DEF8: variants seen among roughly 807,000 people sequenced by gnomAD.
DEF8 encodes the protein DEF-8.
Under a neutral mutation model 59.1 loss-of-function variants are expected in DEF8, and 38 were observed. The observed-to-expected ratio is 0.64, with a 90% confidence interval of 0.50 to 0.84. The LOEUF is 0.84. Ranked by LOEUF, DEF8 falls within the 40% of genes least tolerant of loss-of-function variation. The probability of loss-of-function intolerance (pLI) is 0.00; values close to 1 mark genes in which losing one functional copy is unlikely to be tolerated. For missense variants in DEF8, 557 were observed against 615.2 expected, an observed-to-expected ratio of 0.91 and a Z score of 1.00; for synonymous variants, 265 against 250.1, an observed-to-expected ratio of 1.06 and a Z score of -0.56.
chr16:89,960,943 G>C lies in DEF8; in HGVS notation c.527G>C (p.Arg176Pro), dbSNP rs753840788. Residue 176 changes from arginine to proline, a missense_variant, in exon 7 of 13, where the codon CGC (arginine) becomes CCC (proline). Coordinates refer to ENST00000563594, the MANE Select transcript of DEF8 (RefSeq NM_001242818.2). ...TWYTCTGCYY[R>P]CHSKCLNLIS... Reference sequence around the variant, plus strand: ...CCCTCCACCCTAGGGTGTTATTACCGCTGTCACAGTAAGTGCTTGAACCTC... The same window carrying C: ...CCCTCCACCCTAGGGTGTTATTACCCCTGTCACAGTAAGTGCTTGAACCTC... 1 of 1,613,712 alleles carries C rather than the reference G, an allele frequency of 6.2e-7. No homozygotes were observed. The highest frequency in any genetic ancestry group is 8.5e-7 in the Non-Finnish European group (1 of 1,179,914).
chr16:89,965,821 G>A, intron 12 of DEF8, 40 bp from the exon 13 acceptor site: 1 of 1,424,190 alleles, frequency 7.0e-7, no homozygotes. Flanking sequence ...CAGTGCTGGA[G>A]TTTCCTGTGC....
chr16:89,967,582 G>A lies in DEF8; in HGVS notation c.*1619G>A, dbSNP rs1006033338. The A allele has an allele frequency of 7.5e-6, 3 of 397,818 alleles. No homozygotes were observed. The highest frequency in any genetic ancestry group is 6.2e-5 in the African/African-American group (3 of 48,636). 24.6% of individuals were successfully genotyped at this position (397,818 alleles called of 1,614,324 possible). On this transcript the variant is annotated 3_prime_UTR_variant, in exon 13 of 13. Coordinates refer to ENST00000563594, the MANE Select transcript of DEF8 (RefSeq NM_001242818.2). The stretch of plus-strand genomic sequence containing the variant: ...AATGTGATGTGAGGTTGGATCAACA[G>A]TGTGGGTTCCTGTCCTGTTTCCCCT...
chr16:89,964,135 C>T lies in DEF8; in HGVS notation c.1003-35C>T, dbSNP rs191061981. On this transcript the variant is annotated intron_variant, in intron 10 of 12. Coordinates refer to ENST00000563594, the MANE Select transcript of DEF8 (RefSeq NM_001242818.2). The stretch of plus-strand genomic sequence containing the variant: ...GGTGGGCGGTGGGAGGGGCCCTCCC[C>T]GGTGCAGGGCGTCACGGCTGCTGGG... 3.5e-5 allele frequency: 56 copies of T among 1,613,900 alleles called. No homozygotes were observed. In the African/African-American group the frequency reaches 3.6e-4, roughly 10 times the overall value.
chr16:89,952,058 TA>T (rs1166653364), intron 2 of DEF8, among the ~76,000 whole-genome samples: 3 of 152,174 alleles, frequency 2.0e-5, no homozygotes, highest in African/African-American at 7.2e-5. Context: ...TTTGTATTTC[TA>T]GTAGAGACAG....
chr16:89,949,531 G>A lies in DEF8; in HGVS notation c.-11+18G>A. 1.9e-6 allele frequency: 3 copies of A among 1,613,416 alleles called. No homozygotes were observed. Among genetic ancestry groups the A allele is most frequent in the Non-Finnish European group, 2.5e-6 (3 of 1,179,904 alleles). On this transcript the variant is annotated intron_variant, in intron 2 of 12. Coordinates refer to ENST00000563594, the MANE Select transcript of DEF8 (RefSeq NM_001242818.2). ...CGATGCAGGTATGGGCAGACAGGAC[G>A]CTGTTGACTCCGCACACCGGGGTGA...
chr16:89,967,621 TGAG>T lies in DEF8; in HGVS notation c.*1666_*1668del, dbSNP rs1474904863. 1.0e-5 allele frequency: 4 copies of T among 397,390 alleles called. No individual in the cohort carries two copies. The highest frequency in any genetic ancestry group is 3.6e-5 in the East Asian group (1 of 28,052). 24.6% of individuals were successfully genotyped at this position (397,390 alleles called of 1,614,324 possible). A position where few individuals can be genotyped will look rare whatever the true frequency, so the allele number is the denominator to read the frequency against. ...CCTGTTTCCCCTTCCTCTTTGGGGC[TGAG>T]GAGGAGGTTAAAGGCCAAATGCTGT... On this transcript the variant is annotated 3_prime_UTR_variant, in exon 13 of 13. Coordinates refer to ENST00000563594, the MANE Select transcript of DEF8 (RefSeq NM_001242818.2).
In DEF8 at chr16:89,967,523, C is replaced by T. The variant is rs1281285598; in HGVS notation, c.*1560C>T. On this transcript the variant is annotated 3_prime_UTR_variant, in exon 13 of 13. Transcript: ENST00000563594. ...GGGTCCTGACCTACCTCAGGTGGAA[C>T]GGTGAGCAGGGAACATGTCGGAGTC... The T allele has an allele frequency of 5.0e-6, 2 of 398,484 alleles. No homozygotes were observed. The highest frequency in any genetic ancestry group is 8.8e-6 in the Non-Finnish European group (2 of 226,086). The allele number at this position is 398,484 out of a possible 1,614,324, so 24.7% of individuals were successfully genotyped here. A position where few individuals can be genotyped will look rare whatever the true frequency, so the allele number is the denominator to read the frequency against.
chr16:89,949,822 C>T (rs1054611930), intron 2 of DEF8, among the ~76,000 whole-genome samples: 14 of 152,202 alleles, frequency 9.2e-5, no homozygotes, highest in African/African-American at 4.8e-5. Flanking sequence ...ACTTCCTGCC[C>T]GCTCCTTTCT....
rs1256896106 is a variant in DEF8, at chr16:89,955,895, AC to A, written c.222+633del. ...AGACCATCCTGGCTAACACGGTGAA[AC>A]CCCGTCTCTACTAAAAAATGCAAAA... On this transcript the variant is annotated intron_variant, in intron 4 of 12. Coordinates refer to ENST00000563594, the MANE Select transcript of DEF8 (RefSeq NM_001242818.2). 2.0e-5 allele frequency among the ~76,000 whole-genome samples: 3 copies of A among 151,176 alleles called. No individual in the cohort carries two copies. In the East Asian group the frequency reaches 5.9e-4, roughly 30 times the overall value.
chr16:89,958,981 C>T (rs760251618), intron 5 of DEF8, 33 bp from the exon 6 acceptor site: 1 of 1,604,320 alleles, frequency 6.2e-7, no homozygotes, highest in Non-Finnish European at 8.5e-7. Flanking sequence ...GCCCAGCTCA[C>T]CTGTGACCCC....
At chr16:89,950,989 G>A (rs901029672) in intron 2 of DEF8, among the ~76,000 whole-genome samples, 13 of 152,254 alleles carry the variant, frequency 8.5e-5, no homozygotes, top group African/African-American at 3.1e-4. Context: ...TCAAAAAAAA[G>A]TAATAATGAT....
At chr16:89,959,388 TGAA>T (rs2033719033) in intron 6 of DEF8, 6 of 1,408,576 alleles carry the variant, frequency 4.3e-6, no homozygotes, top group Non-Finnish European at 5.5e-6. Context: ...GTTTGTACAA[TGAA>T]GAAAAAGGGA....
rs1469530610 is a variant in DEF8, at chr16:89,964,203, G to T, written c.1036G>T (p.Glu346Ter). ...QDRQHFVENDEMYSVQDLLDV... is the reference protein window; with the variant it reads ...QDRQHFVEND ...TCGGCAGCATTTTGTGGAGAACGAC[G>T]AGATGTACTCTGTCCAGGACCTCCT... The change falls in exon 11 of 13, where the codon GAG becomes TAG. Residue 346 changes from glutamate (E) to a stop codon, truncating the protein, a stop_gained. Transcript: ENST00000563594. LOFTEE classifies it high-confidence loss of function. 6.2e-7 allele frequency: 1 copy of T among 1,613,706 alleles called. No individual in the cohort carries two copies. Among genetic ancestry groups the T allele is most frequent in the Non-Finnish European group, 8.5e-7 (1 of 1,179,932 alleles).
intron 1 of DEF8, 82 bp from the exon 2 acceptor site, chr16:89,949,335 C>T (rs2031501818): frequency 8.4e-7 from 1 of 1,188,774 alleles, no homozygotes; most frequent in South Asian, 1.4e-5. Flanking sequence ...AGACCTGCCC[C>T]CGAGGAGCCC....
Position 89,948,777 on chromosome 16 carries a change from C to G in DEF8, c.-145C>G, listed in dbSNP as rs2031139127. On this transcript the variant is annotated 5_prime_UTR_variant, in exon 1 of 13. The change creates a new upstream start codon in the 5' untranslated region. Coordinates refer to ENST00000563594, the MANE Select transcript of DEF8 (RefSeq NM_001242818.2). ...AGCGTAGCGGGGCGGCCGGGCGGAT[C>G]CAGCGCAGCCGGGAGACAGATGCGA... 5.1e-6 allele frequency: 5 copies of G among 983,710 alleles called. No homozygotes were observed. Among genetic ancestry groups the G allele is most frequent in the Non-Finnish European group, 6.0e-6 (5 of 829,488 alleles). The allele number at this position is 983,710 out of a possible 1,614,324, so 60.9% of individuals were successfully genotyped here. A position where few individuals can be genotyped will look rare whatever the true frequency, so the allele number is the denominator to read the frequency against.
chr16:89,962,137 G>T lies in DEF8; in HGVS notation c.921+12G>T, dbSNP rs537257464. The T allele has an allele frequency of 1.2e-6, 2 of 1,610,856 alleles. No individual in the cohort carries two copies. Among genetic ancestry groups the T allele is most frequent in the South Asian group, 1.1e-5 (1 of 90,860 alleles). On this transcript the variant is annotated intron_variant, in intron 9 of 12. Coordinates refer to ENST00000563594, the MANE Select transcript of DEF8 (RefSeq NM_001242818.2). ...TGGTGGAGATTCGCGTGAGGCTGGG[G>T]CCATGGAAGTGGGGGGCGGGGGCGC...
In DEF8 at chr16:89,954,337, C is replaced by G. The variant is rs7194844; in HGVS notation, c.85C>G (p.Gln29Glu). ...NKQSGPRQHE[Q>E]GPGEEVPDVT... Reference sequence around the variant, plus strand: ...GCAGTCTGGGCCGAGACAGCATGAGCAGGGCCCTGGGGAGGAGGTCCCGGA... The same window carrying G: ...GCAGTCTGGGCCGAGACAGCATGAGGAGGGCCCTGGGGAGGAGGTCCCGGA... Residue 29 changes from glutamine to glutamate, a missense_variant, in exon 3 of 13, where the codon CAG becomes GAG. Physicochemically the swap from Gln to Glu is conservative, Grantham distance 29. Transcript: ENST00000563594. The surrounding 1 kb of genome is among the most constrained non-coding windows in gnomAD (Gnocchi z 4.3). 5.4e-3 allele frequency: 8,675 copies of G among 1,613,846 alleles called. 412 individuals are homozygous for G. In the African/African-American group the frequency reaches 0.1, roughly 19 times the overall value.
At position 89,957,449 on chromosome 16, in the gene DEF8, G is replaced by C. The variant is rs754500133; in HGVS notation, c.223-62G>C. On this transcript the variant is annotated intron_variant, in intron 4 of 12. Transcript: ENST00000563594. Reference sequence around the variant, plus strand: ...TGCTCTGGGCCTGTCTCGGCGGATGGGCCTTAACAGGGAGCTCCTGCAGGA... The same window carrying C: ...TGCTCTGGGCCTGTCTCGGCGGATGCGCCTTAACAGGGAGCTCCTGCAGGA... 4.0e-6 allele frequency: 6 copies of C among 1,515,724 alleles called. No individual in the cohort carries two copies. The East Asian group carries it at 1.5e-4, about 37-fold the overall frequency. The allele number at this position is 1,515,724 out of a possible 1,614,324, so 93.9% of individuals were successfully genotyped here. A position where few individuals can be genotyped will look rare whatever the true frequency, so the allele number is the denominator to read the frequency against.
chr16:89,964,107 A>G (rs752060320), intron 10 of DEF8, 63 bp from the exon 11 acceptor site: 18 of 1,609,162 alleles, frequency 1.1e-5, no homozygotes, highest in Admixed American at 3.3e-5. Flanking sequence ...TGCAGCGACC[A>G]TGGGTGGGCG....
Sources: allele counts gnomAD v4.1 joint callset (sites outside exome capture counted in the v4.1 genomes callset), GRCh38; gene constraint gnomAD v4.1.1; non-coding constraint Gnocchi (gnomAD v3.1); transcripts MANE v1.5; gene names NCBI Gene and HGNC (gene_info 2026-07-23, HGNC 2026-07-21).